Variants in PDE1C observed in about 807,000 individuals in gnomAD.
PDE1C encodes the protein phosphodiesterase 1C.
In PDE1C, 62 loss-of-function variants were observed where a neutral mutation model predicts 93.1. The observed-to-expected ratio is 0.67, with a 90% CI of 0.54 to 0.82. The LOEUF is 0.82. PDE1C is among the 40% of genes least tolerant of loss of function. The pLI, the probability that PDE1C is intolerant of heterozygous loss-of-function variation, is 0.00. For missense variants in PDE1C, 742 were observed against 884.6 expected, an observed-to-expected ratio of 0.84 and a Z score of 2.04; for synonymous variants, 325 against 310.1, an observed-to-expected ratio of 1.05 and a Z score of -0.50.
the PDE1C span, among the ~76,000 whole-genome samples, chr7:31,681,378 T>TGGAC: frequency 1.5e-5 from 2 of 135,228 alleles, no homozygotes; most frequent in African/African-American, 3.5e-5. Context: ...GACGGATGGA[T>TGGAC]GGATGGATGG....
intron 3 of PDE1C, among the ~76,000 whole-genome samples, chr7:32,114,367 G>A (rs1798863416): frequency 6.6e-6 from 1 of 152,092 alleles, no homozygotes; most frequent in Non-Finnish European, 1.5e-5. Context: ...AACAAGCAAT[G>A]GGGAAAGGAT....
intron 2 of PDE1C, among the ~76,000 whole-genome samples, chr7:32,190,579 T>G (rs1008323344): frequency 1.3e-5 from 2 of 152,200 alleles, no homozygotes; most frequent in Non-Finnish European, 2.9e-5. Flanking sequence ...TCTAAGAACT[T>G]CCAGGGGATG....
At chr7:32,157,447 AT>A (rs951920177) in intron 3 of PDE1C, among the ~76,000 whole-genome samples, 4 of 152,180 alleles carry the variant, frequency 2.6e-5, no homozygotes, top group Non-Finnish European at 5.9e-5. Context: ...TACCCCAAAA[AT>A]ATGTACAACT....
intron 14 of PDE1C, among the ~76,000 whole-genome samples, chr7:31,822,788 G>C (rs1001621437): frequency 6.6e-6 from 1 of 152,086 alleles, no homozygotes; most frequent in African/African-American, 2.4e-5. Flanking sequence ...ATGTTTAGCA[G>C]AAATCAAGAA....
intron 7 of PDE1C, among the ~76,000 whole-genome samples, chr7:31,864,346 A>ATT (rs1473678700): frequency 6.6e-6 from 1 of 152,192 alleles, no homozygotes. Context: ...ATAGACTGAG[A>ATT]TTTCCATGTC....
chr7:32,276,559 A>C (rs2128889975), intron 1 of PDE1C, among the ~76,000 whole-genome samples: 1 of 152,294 alleles, frequency 6.6e-6, no homozygotes, highest in Admixed American at 6.5e-5. Context: ...AGCTCTTTGC[A>C]AGACTGTTCT....
At chr7:32,195,295 T>C (rs1002427882) in intron 2 of PDE1C, among the ~76,000 whole-genome samples, 1 of 152,246 alleles carries the variant, frequency 6.6e-6, no homozygotes, top group African/African-American at 2.4e-5. Flanking sequence ...TCTTTAGATA[T>C]TCTTTTAGAG....
At chr7:31,836,646 C>A (rs941294984) in intron 11 of PDE1C, among the ~76,000 whole-genome samples, 1 of 152,124 alleles carries the variant, frequency 6.6e-6, no homozygotes, top group African/African-American at 2.4e-5. Context: ...CCTGCCTATT[C>A]TTATAGACAA....
At chr7:32,089,401 G>T (rs1216311748) in intron 3 of PDE1C, among the ~76,000 whole-genome samples, 1 of 152,190 alleles carries the variant, frequency 6.6e-6, no homozygotes, top group Non-Finnish European at 1.5e-5. Flanking sequence ...TGAGAGGCTA[G>T]CTCTGTGTCT....
chr7:31,904,014 C>G (rs749887317), intron 2 of PDE1C, among the ~76,000 whole-genome samples: 2 of 152,130 alleles, frequency 1.3e-5, no homozygotes, highest in Non-Finnish European at 2.9e-5. Context: ...CACATTTATA[C>G]AAATGTATGT....
At chr7:32,420,124 TACACACAC>T (rs1156625491) in intron 1 of PDE1C, among the ~76,000 whole-genome samples, 671 of 13,048 alleles carry the variant, frequency 0.051, 115 homozygotes, top group Middle Eastern at 0.077. Flanking sequence ...TATATATATA[TACACACAC>T]ACACACACAC....
In PDE1C at chr7:32,185,186, T is replaced by C. The variant is rs138957531; in HGVS notation, c.137-15230A>G. Reference sequence around the variant, plus strand: ...CTTGAACCCGGGAGGCTGAGGTTGATGTGAGCTGAGATAGTGCCATTGCAC... The same window carrying C: ...CTTGAACCCGGGAGGCTGAGGTTGACGTGAGCTGAGATAGTGCCATTGCAC... On this transcript the variant is annotated intron_variant, in intron 2 of 18. Transcript: ENST00000396193. 4.5e-3 allele frequency among the ~76,000 whole-genome samples: 620 copies of C among 138,466 alleles called. 6 individuals carry two copies. Among genetic ancestry groups the C allele is most frequent in the African/African-American group, 0.016 (578 of 36,728 alleles). 90.8% of individuals were successfully genotyped at this position (138,466 alleles called of 152,430 possible).
At chr7:32,418,855 T>C (rs1292947789) in intron 1 of PDE1C, among the ~76,000 whole-genome samples, 1 of 152,198 alleles carries the variant, frequency 6.6e-6, no homozygotes, top group Non-Finnish European at 1.5e-5. Flanking sequence ...AGCATGTAAA[T>C]GAGGTCCACC....
At chr7:31,643,959 TGTTCACCCTGGCAAAGA>T in the PDE1C span, 1 of 1,595,722 alleles carries the variant, frequency 6.3e-7, no homozygotes, top group South Asian at 1.1e-5. Context: ...GTTCCGTAAG[TGTTCACCCTGGCAAAGA>T]TGGAAAGGCA....
chr7:32,031,333 C>T (rs1056936663), intron 2 of PDE1C, among the ~76,000 whole-genome samples: 1 of 152,148 alleles, frequency 6.6e-6, no homozygotes, highest in Non-Finnish European at 1.5e-5. Flanking sequence ...TTCCCCCTAA[C>T]AACCCTATCT....
chr7:32,216,780 C>T (rs550919120), intron 1 of PDE1C, among the ~76,000 whole-genome samples: 4 of 152,274 alleles, frequency 2.6e-5, no homozygotes, highest in Non-Finnish European at 5.9e-5. Flanking sequence ...TATGTAAACC[C>T]AGGAGTATCT....
intron 1 of PDE1C, among the ~76,000 whole-genome samples, chr7:32,056,374 C>CAA (rs2128699522): frequency 6.8e-6 from 1 of 146,466 alleles, no homozygotes; most frequent in South Asian, 2.2e-4. Flanking sequence ...CTGAAACACA[C>CAA]ACACACACAC....
the PDE1C span, chr7:31,651,287 C>A: frequency 6.2e-7 from 1 of 1,609,842 alleles, no homozygotes; most frequent in Non-Finnish European, 8.5e-7. Flanking sequence ...CCTAAGGGAG[C>A]CATAAAAGTA....
intron 2 of PDE1C, among the ~76,000 whole-genome samples, chr7:31,943,272 C>A (rs1806095363): frequency 6.6e-6 from 1 of 152,050 alleles, no homozygotes; most frequent in African/African-American, 2.4e-5. Context: ...CACATAGGAC[C>A]AACTTCAAAA....
Sources: gnomAD v4.1 joint callset for allele counts (sites outside exome capture counted in the v4.1 genomes callset) on GRCh38, gnomAD v4.1.1 for gene constraint, MANE v1.5 for transcripts, NCBI Gene and HGNC (gene_info 2026-07-23, HGNC 2026-07-21) for gene names.